L3MBTL4: variants seen among roughly 807,000 people sequenced by gnomAD.
The protein encoded by L3MBTL4 is L3MBTL histone methyl-lysine binding protein 4, also known as lethal(3)malignant brain tumor-like protein 4.
A neutral mutation model predicts 84.5 loss-of-function variants in L3MBTL4; 70 were observed. That is an observed-to-expected ratio of 0.83 (90% CI 0.68 to 1.01). The LOEUF (loss-of-function observed/expected upper bound fraction) is 1.01, where lower values mean the gene tolerates loss of function less well. Ranked by LOEUF, L3MBTL4 falls within the 50% of genes least tolerant of loss-of-function variation. The pLI, the probability that L3MBTL4 is intolerant of heterozygous loss-of-function variation, is 0.00. For missense variants in L3MBTL4, 715 were observed against 754.8 expected (o/e 0.95, Z 0.62); for synonymous variants, 274 against 259.8 (o/e 1.05, Z -0.52).
intron 16 of L3MBTL4, among the ~76,000 whole-genome samples, chr18:5,978,612 C>T (rs1405148501): frequency 1.3e-5 from 2 of 152,150 alleles, no homozygotes; most frequent in Non-Finnish European, 2.9e-5. Flanking sequence ...CTGCTCTCCA[C>T]GTGCAGATAC....
chr18:6,357,165 C>T (rs2053485741), intron 1 of L3MBTL4, among the ~76,000 whole-genome samples: 1 of 152,184 alleles, frequency 6.6e-6, no homozygotes, highest in Admixed American at 6.5e-5. Flanking sequence ...AACCTTGTTT[C>T]AGTCTGCTTA....
intron 1 of L3MBTL4, among the ~76,000 whole-genome samples, chr18:6,341,343 G>A (rs1379618730): frequency 6.6e-6 from 1 of 151,976 alleles, no homozygotes; most frequent in African/African-American, 2.4e-5. Context: ...ATAAAACTCA[G>A]TGAGCCACAA....
chr18:6,253,096 G>C (rs541698363), intron 5 of L3MBTL4, among the ~76,000 whole-genome samples: 1 of 152,288 alleles, frequency 6.6e-6, no homozygotes, highest in African/African-American at 2.4e-5. Flanking sequence ...CAGCTACTCG[G>C]GAGGCTGAGG....
intron 16 of L3MBTL4, among the ~76,000 whole-genome samples, chr18:6,073,989 C>T (rs1042209814): frequency 2.0e-5 from 3 of 152,198 alleles, no homozygotes; most frequent in Admixed American, 6.5e-5. Context: ...AGATTCACTT[C>T]TAACATTTTA....
intron 13 of L3MBTL4, among the ~76,000 whole-genome samples, chr18:6,143,677 G>A (rs779701758): frequency 2.0e-5 from 3 of 152,150 alleles, no homozygotes; most frequent in Non-Finnish European, 4.4e-5. Context: ...TTCAGAAAGA[G>A]CATCTCTGAC....
chr18:6,189,545 AG>A lies in L3MBTL4; in HGVS notation c.982-17604del, dbSNP rs770386133. Reference sequence around the variant, plus strand: ...CAAGACAATGTAACTTGTAATCAAGAGAAAATACAGCCAATAGAAGCAAATA... The same window carrying A: ...CAAGACAATGTAACTTGTAATCAAGAAAAATACAGCCAATAGAAGCAAATA... On this transcript the variant is annotated intron_variant, in intron 12 of 18. Coordinates refer to ENST00000317931, the MANE Select transcript of L3MBTL4 (RefSeq NM_001330559.2). Among the ~76,000 whole-genome samples, 4 of 152,266 alleles carry A rather than the reference AG, an allele frequency of 2.6e-5. No homozygotes were observed. The South Asian group carries it at 8.3e-4, about 31-fold the overall frequency.
intron 13 of L3MBTL4, among the ~76,000 whole-genome samples, chr18:6,143,671 GA>G (rs1199500928): frequency 6.6e-6 from 1 of 152,150 alleles, no homozygotes; most frequent in East Asian, 1.9e-4. Flanking sequence ...CACTTTTTCA[GA>G]AAGAGCATCT....
rs551413797 is a variant in L3MBTL4 at position 6,133,743 on chromosome 18, G to T, written c.1199+4451C>A. 2.0e-3 allele frequency among the ~76,000 whole-genome samples: 306 copies of T among 152,256 alleles called. 2 individuals are homozygous for T. The highest frequency in any genetic ancestry group is 3.1e-3 in the Non-Finnish European group (210 of 68,012). ...TAATAATTGGTCACAGCTGGGAGGTGCCAGGGAAAGGCAGCCTCCCAGTAG... is the reference window on the plus strand; with the variant it reads ...TAATAATTGGTCACAGCTGGGAGGTTCCAGGGAAAGGCAGCCTCCCAGTAG... On this transcript the variant is annotated intron_variant, in intron 14 of 18. Coordinates refer to ENST00000317931, the MANE Select transcript of L3MBTL4 (RefSeq NM_001330559.2).
intron 16 of L3MBTL4, among the ~76,000 whole-genome samples, chr18:5,976,271 T>G (rs1477725434): frequency 6.6e-6 from 1 of 152,290 alleles, no homozygotes; most frequent in Non-Finnish European, 1.5e-5. Flanking sequence ...GTTGAAATGA[T>G]GTTTTGGATC....
chr18:6,181,572 C>T (rs1040018016), intron 12 of L3MBTL4, among the ~76,000 whole-genome samples: 10 of 152,042 alleles, frequency 6.6e-5, no homozygotes, highest in East Asian at 1.9e-4. Flanking sequence ...TCAAGTTATC[C>T]GCCCACCTTG....
chr18:6,355,725 G>A (rs1346771984), intron 1 of L3MBTL4, among the ~76,000 whole-genome samples: 2 of 151,844 alleles, frequency 1.3e-5, no homozygotes, highest in African/African-American at 2.4e-5. Context: ...TCAACCTCCT[G>A]CAATATTAAA....
At chr18:6,304,001 C>A (rs1381226883) in intron 3 of L3MBTL4, among the ~76,000 whole-genome samples, 1 of 133,354 alleles carries the variant, frequency 7.5e-6, no homozygotes, top group African/African-American at 3.0e-5. Context: ...GCAACAAGAG[C>A]TAAACTCCAT....
Position 6,134,552 on chromosome 18 carries a change from C to T in L3MBTL4, c.1199+3642G>A, listed in dbSNP as rs558344126. On this transcript the variant is annotated intron_variant, in intron 14 of 18. Transcript: ENST00000317931. ...TGGGGGTACAGGTACTGGGTAAATA[C>T]AGCTGTTCCAAATGGGAGAAATTGG... Among the ~76,000 whole-genome samples, 12 of 152,278 alleles carry T rather than the reference C, an allele frequency of 7.9e-5. No individual in the cohort carries two copies. The East Asian group carries it at 2.3e-3, about 29-fold the overall frequency.
At chr18:6,355,842 T>TA (rs35189133) in intron 1 of L3MBTL4, among the ~76,000 whole-genome samples, 48,216 of 144,962 alleles carry the variant, frequency 0.33, 8,305 homozygotes, top group Middle Eastern at 0.5. Context: ...TTCAAATTTA[T>TA]AAAAAAAAAA....
chr18:6,239,051 T>C (rs1166690224), intron 9 of L3MBTL4, among the ~76,000 whole-genome samples: 1 of 152,048 alleles, frequency 6.6e-6, no homozygotes, highest in Non-Finnish European at 1.5e-5. Flanking sequence ...TTTAAAAATG[T>C]GATAAGGTGG....
intron 12 of L3MBTL4, among the ~76,000 whole-genome samples, chr18:6,206,571 C>T (rs1054180838): frequency 6.6e-6 from 1 of 152,096 alleles, no homozygotes; most frequent in African/African-American, 2.4e-5. Context: ...TAGTGCTGCT[C>T]GGCCCGTGTT....
At chr18:6,295,172 T>C (rs768388282) in intron 4 of L3MBTL4, among the ~76,000 whole-genome samples, 2 of 151,762 alleles carry the variant, frequency 1.3e-5, no homozygotes, top group Non-Finnish European at 2.9e-5. Context: ...CTTGGGAGGC[T>C]AGGGCAGGAG....
At chr18:6,034,231 T>C (rs2055989286) in intron 16 of L3MBTL4, among the ~76,000 whole-genome samples, 1 of 152,188 alleles carries the variant, frequency 6.6e-6, no homozygotes, top group Admixed American at 6.5e-5. Context: ...TGTGCCATGC[T>C]GGTGCGCTGC....
At chr18:6,191,578 A>G (rs553939451) in intron 12 of L3MBTL4, among the ~76,000 whole-genome samples, 61 of 152,336 alleles carry the variant, frequency 4.0e-4, no homozygotes, top group African/African-American at 1.3e-3. Context: ...AGGAGTTTGC[A>G]GTTCATCAAC....
Sources: gnomAD v4.1 joint callset for allele counts (sites outside exome capture counted in the v4.1 genomes callset) on GRCh38, gnomAD v4.1.1 for gene constraint, MANE v1.5 for transcripts, NCBI Gene and HGNC (gene_info 2026-07-23, HGNC 2026-07-21) for gene names.